SDK1: variants seen among roughly 807,000 people sequenced by gnomAD.
SDK1 encodes the protein sidekick cell adhesion molecule 1, also known as protein sidekick-1.
Under a neutral mutation model 245.5 loss-of-function variants are expected in SDK1, and 157 were observed. The observed-to-expected ratio is 0.64, with a 90% CI of 0.56 to 0.73. The LOEUF (loss-of-function observed/expected upper bound fraction) is 0.73, where lower values mean the gene tolerates loss of function less well. SDK1 is among the 30% of genes least tolerant of loss of function. The pLI is 0.00. For missense variants in SDK1, 3,583 were observed against 3,002.3 expected (o/e 1.19, Z -4.52); for synonymous variants, 1,647 against 1,278.5 (o/e 1.29, Z -6.15).
intron 5 of SDK1, among the ~76,000 whole-genome samples, chr7:3,853,671 T>G (rs1780472378): frequency 6.6e-6 from 1 of 152,118 alleles, no homozygotes; most frequent in Non-Finnish European, 1.5e-5. Flanking sequence ...GAGCTTTCCT[T>G]TGAGCATCAC....
chr7:3,881,115 G>A (rs1781198470), intron 5 of SDK1, among the ~76,000 whole-genome samples: 1 of 151,540 alleles, frequency 6.6e-6, no homozygotes. Flanking sequence ...CAGCTTTTAA[G>A]TTCCGGAGTG....
chr7:3,664,578 A>C (rs1014846600), intron 4 of SDK1, among the ~76,000 whole-genome samples: 1 of 151,984 alleles, frequency 6.6e-6, no homozygotes, highest in Non-Finnish European at 1.5e-5. Flanking sequence ...GTCTTCTACT[A>C]AAAATACAAA....
At chr7:3,893,448 T>G (rs928980203) in intron 5 of SDK1, among the ~76,000 whole-genome samples, 2 of 152,044 alleles carry the variant, frequency 1.3e-5, no homozygotes, top group Non-Finnish European at 2.9e-5. Flanking sequence ...AGCCGGTGCA[T>G]GCAAACTCAA....
intron 27 of SDK1, among the ~76,000 whole-genome samples, chr7:4,131,094 G>A (rs1766104633): frequency 1.3e-5 from 2 of 152,192 alleles, no homozygotes; most frequent in South Asian, 4.1e-4. Flanking sequence ...GAATGGGAAT[G>A]TGGGTGTTGT....
intron 4 of SDK1, among the ~76,000 whole-genome samples, chr7:3,797,644 T>C (rs1469724281): frequency 6.6e-6 from 1 of 151,870 alleles, no homozygotes; most frequent in African/African-American, 2.4e-5. Context: ...CCATGCTATG[T>C]ATGTCATAAT....
At position 3,651,544 on chromosome 7, in the gene SDK1, A is replaced by G. The variant is rs150071520; in HGVS notation, c.713+9439A>G. On this transcript the variant is annotated intron_variant, in intron 4 of 44. Coordinates refer to ENST00000404826, the MANE Select transcript of SDK1 (RefSeq NM_152744.4). ...GAGGAAAAAATATGGAAAATCTAGA[A>G]GGAAGGCCAAGAGATCTAGAGGACA... Among the ~76,000 whole-genome samples the G allele has an allele frequency of 1.6e-3, 243 of 152,320 alleles. 2 individuals are homozygous for G. Among genetic ancestry groups the G allele is most frequent in the African/African-American group, 5.7e-3 (239 of 41,572 alleles).
intron 1 of SDK1, among the ~76,000 whole-genome samples, chr7:3,536,343 G>A (rs1177703289): frequency 6.6e-6 from 1 of 151,986 alleles, no homozygotes; most frequent in East Asian, 1.9e-4. Context: ...TGGGATTATA[G>A]GTGTGAACTG....
chr7:3,760,712 G>C (rs1780072129), intron 4 of SDK1, among the ~76,000 whole-genome samples: 4 of 152,174 alleles, frequency 2.6e-5, no homozygotes, highest in Admixed American at 2.0e-4. Context: ...TGTCTTTTGG[G>C]ATGATAACCG....
chr7:3,528,145 G>C (rs1440811389), intron 1 of SDK1, among the ~76,000 whole-genome samples: 5 of 139,852 alleles, frequency 3.6e-5, no homozygotes, highest in Non-Finnish European at 6.2e-5. Context: ...AATGGTAGGA[G>C]GTAAGGTTGG....
intron 5 of SDK1, among the ~76,000 whole-genome samples, chr7:3,825,769 T>C (rs996569434): frequency 6.6e-6 from 1 of 152,240 alleles, no homozygotes; most frequent in Non-Finnish European, 1.5e-5. Flanking sequence ...ATGGCTTTTG[T>C]GTGCCCAGGT....
At chr7:3,745,325 T>G (rs1456347541) in intron 4 of SDK1, among the ~76,000 whole-genome samples, 1 of 152,190 alleles carries the variant, frequency 6.6e-6, no homozygotes, top group Non-Finnish European at 1.5e-5. Flanking sequence ...ATACCTGCTT[T>G]TGCCACTACT....
chr7:3,869,730 C>T (rs1780912996), intron 5 of SDK1, among the ~76,000 whole-genome samples: 1 of 152,230 alleles, frequency 6.6e-6, no homozygotes, highest in Non-Finnish European at 1.5e-5. Context: ...CATTGAGAGA[C>T]ACTGGCTCTC....
chr7:3,995,540 T>C (rs944157350), intron 14 of SDK1, among the ~76,000 whole-genome samples: 1 of 152,226 alleles, frequency 6.6e-6, no homozygotes, highest in African/African-American at 2.4e-5. Flanking sequence ...AAACAGCCTT[T>C]AGGGCACCAG....
At chr7:4,262,731 C>A (rs1788106551) in intron 44 of SDK1, among the ~76,000 whole-genome samples, 2 of 122,406 alleles carry the variant, frequency 1.6e-5, no homozygotes, top group Non-Finnish European at 3.4e-5. Context: ...CTCCCTTCTA[C>A]TTAATCACAC....
chr7:3,301,598 C>G lies in SDK1; in HGVS notation c.12C>G (p.Gly4=). MAR[G]ARPSAAGGGG... ...GGCGGCTGCTCGGCATGGCCCGGGG[C>G]GCCCGGCCCTCGGCGGCCGGTGGCG... The change falls in exon 1 of 45, where the codon GGC becomes GGG. Residue 4 remains glycine, a synonymous_variant. Transcript: ENST00000404826. 2 of 973,410 alleles carry G rather than the reference C, an allele frequency of 2.1e-6. No homozygotes were observed. The highest frequency in any genetic ancestry group is 2.4e-6 in the Non-Finnish European group (2 of 823,176). The allele number at this position is 973,410 out of a possible 1,614,324, so 60.3% of individuals were successfully genotyped here. A position where few individuals can be genotyped will look rare whatever the true frequency, so the allele number is the denominator to read the frequency against.
intron 17 of SDK1, among the ~76,000 whole-genome samples, chr7:4,036,187 T>A (rs920312027): frequency 9.2e-5 from 14 of 152,226 alleles, no homozygotes; most frequent in African/African-American, 3.4e-4. Context: ...AATTATTTAT[T>A]GCTTTTTCCT....
chr7:3,678,132 C>G (rs994395651), intron 4 of SDK1, among the ~76,000 whole-genome samples: 1 of 152,174 alleles, frequency 6.6e-6, no homozygotes, highest in African/African-American at 2.4e-5. Flanking sequence ...AGAAAATTAA[C>G]AAGTGTTGGT....
intron 11 of SDK1, among the ~76,000 whole-genome samples, chr7:3,970,934 T>G (rs1317525356): frequency 6.6e-6 from 1 of 152,126 alleles, no homozygotes; most frequent in Non-Finnish European, 1.5e-5. Context: ...ACAGGCAAGC[T>G]GGGGGTCCCC....
intron 5 of SDK1, among the ~76,000 whole-genome samples, chr7:3,948,604 G>C (rs1780672812): frequency 1.3e-5 from 2 of 152,216 alleles, no homozygotes; most frequent in African/African-American, 4.8e-5. Flanking sequence ...ACACGAAGGA[G>C]GGCTTCCTCC....
Sources: allele counts gnomAD v4.1 joint callset (sites outside exome capture counted in the v4.1 genomes callset), GRCh38; gene constraint gnomAD v4.1.1; transcripts MANE v1.5; gene names NCBI Gene and HGNC (gene_info 2026-07-23, HGNC 2026-07-21).